KCNH5: variants seen among roughly 807,000 people sequenced by gnomAD.
KCNH5 encodes potassium voltage-gated channel subfamily H member 5, also known as voltage-gated delayed rectifier potassium channel KCNH5.
Under a neutral mutation model 96.1 loss-of-function variants are expected in KCNH5, and 46 were observed. That is an observed-to-expected ratio of 0.48 (90% CI 0.38 to 0.61). KCNH5 has a LOEUF of 0.61. KCNH5 is among the 20% of genes least tolerant of loss of function. The probability of loss-of-function intolerance (pLI) is 0.00; values close to 1 mark genes in which losing one functional copy is unlikely to be tolerated. For missense variants in KCNH5, 907 were observed against 1,225.8 expected (o/e 0.74, Z 3.88); for synonymous variants, 439 against 449.8 (o/e 0.98, Z 0.30).
At chr14:62,835,225 T>C (rs1216113458) in intron 8 of KCNH5, among the ~76,000 whole-genome samples, 1 of 151,992 alleles carries the variant, frequency 6.6e-6, no homozygotes, top group African/African-American at 2.4e-5. Flanking sequence ...TACCAACATG[T>C]GTATGTGTAA....
At chr14:62,913,403 T>C (rs1364303529) in intron 7 of KCNH5, among the ~76,000 whole-genome samples, 2 of 150,962 alleles carry the variant, frequency 1.3e-5, no homozygotes, top group East Asian at 3.9e-4. Flanking sequence ...AATTTTTGTA[T>C]TTTTAGTAGA....
At chr14:63,035,742 A>T (rs2139628898) in intron 1 of KCNH5, among the ~76,000 whole-genome samples, 1 of 152,296 alleles carries the variant, frequency 6.6e-6, no homozygotes, top group South Asian at 2.1e-4. Context: ...CAGATCCACC[A>T]GTTTCTGCTG....
chr14:62,851,448 T>G lies in KCNH5; in HGVS notation c.1370-1596A>C, dbSNP rs536509294. 6.6e-5 allele frequency among the ~76,000 whole-genome samples: 10 copies of G among 151,032 alleles called. No homozygotes were observed. In the South Asian group the frequency reaches 2.1e-3, roughly 32 times the overall value. ...TTCTGGTTATAGTATCCTGAGATCTTGATTCTATAAAGAATTATGAAGTTT... is the reference window on the plus strand; with the variant it reads ...TTCTGGTTATAGTATCCTGAGATCTGGATTCTATAAAGAATTATGAAGTTT... On this transcript the variant is annotated intron_variant, in intron 7 of 10. Transcript: ENST00000322893.
chr14:63,037,512 C>A (rs1202380091), intron 1 of KCNH5, among the ~76,000 whole-genome samples: 1 of 152,098 alleles, frequency 6.6e-6, no homozygotes, highest in Non-Finnish European at 1.5e-5. Context: ...TCTTTAACCC[C>A]CATTGAGGAA....
At chr14:62,946,882 G>C (rs1439190659) in intron 7 of KCNH5, among the ~76,000 whole-genome samples, 2 of 152,110 alleles carry the variant, frequency 1.3e-5, no homozygotes, top group Admixed American at 6.6e-5. Flanking sequence ...AAATTATAAA[G>C]ATGGAGAGCA....
intron 1 of KCNH5, among the ~76,000 whole-genome samples, chr14:63,040,096 A>G (rs760844925): frequency 7.9e-5 from 12 of 152,148 alleles, no homozygotes; most frequent in Admixed American, 2.6e-4. Flanking sequence ...GTGACTCACA[A>G]GGAAAGAAAA....
chr14:63,012,854 G>A (rs971910179), intron 2 of KCNH5, among the ~76,000 whole-genome samples: 1 of 151,464 alleles, frequency 6.6e-6, no homozygotes, highest in Admixed American at 6.6e-5. Context: ...ACCAACATAT[G>A]CAAAGCAATA....
At chr14:63,001,189 A>G in intron 4 of KCNH5, 142 bp downstream of exon 4, 1 of 660,144 alleles carries the variant, frequency 1.5e-6, no homozygotes. Flanking sequence ...ATGATTGAAT[A>G]AAACAGATTC....
chr14:62,982,088 T>C (rs1001302004), intron 5 of KCNH5, among the ~76,000 whole-genome samples: 2 of 152,042 alleles, frequency 1.3e-5, no homozygotes, highest in South Asian at 2.1e-4. Flanking sequence ...CTGGGAATTA[T>C]AAAAAACAGT....
chr14:62,966,332 G>A (rs111445011), intron 6 of KCNH5, among the ~76,000 whole-genome samples: 12 of 152,184 alleles, frequency 7.9e-5, no homozygotes. Context: ...CAAAAGGGCA[G>A]TATTAGCATC....
chr14:62,810,152 T>C (rs1886843898), intron 8 of KCNH5, among the ~76,000 whole-genome samples: 1 of 152,138 alleles, frequency 6.6e-6, no homozygotes, highest in African/African-American at 2.4e-5. Context: ...ACTAAACACT[T>C]ATCAATCTTC....
intron 8 of KCNH5, among the ~76,000 whole-genome samples, chr14:62,835,965 A>G (rs1041669144): frequency 2.0e-5 from 3 of 152,082 alleles, no homozygotes; most frequent in Non-Finnish European, 4.4e-5. Context: ...AATATCAGGA[A>G]TATTCTAGAA....
chr14:62,715,187 C>T (rs887676416), intron 10 of KCNH5, among the ~76,000 whole-genome samples: 4 of 152,098 alleles, frequency 2.6e-5, no homozygotes, highest in African/African-American at 9.6e-5. Flanking sequence ...GTGTACTGAA[C>T]TTTGAAATCC....
chr14:62,782,751 C>T (rs1886245979), intron 9 of KCNH5, among the ~76,000 whole-genome samples: 1 of 152,070 alleles, frequency 6.6e-6, no homozygotes, highest in South Asian at 2.1e-4. Context: ...GCAGAGCTTG[C>T]AGTGAGCTGA....
At chr14:62,811,462 G>T (rs1886871547) in intron 8 of KCNH5, among the ~76,000 whole-genome samples, 1 of 151,914 alleles carries the variant, frequency 6.6e-6, no homozygotes, top group Non-Finnish European at 1.5e-5. Flanking sequence ...CCTTTTTACT[G>T]GCATGTCCCA....
chr14:62,835,915 GA>G (rs1230351755), intron 8 of KCNH5, among the ~76,000 whole-genome samples: 1 of 151,930 alleles, frequency 6.6e-6, no homozygotes, highest in Admixed American at 6.6e-5. Context: ...ACATTTGTAG[GA>G]TGATTTCATT....
intron 10 of KCNH5, among the ~76,000 whole-genome samples, chr14:62,719,418 C>T (rs750494626): frequency 1.5e-4 from 23 of 152,212 alleles, no homozygotes; most frequent in Admixed American, 3.9e-4. Context: ...ACCCCAATAG[C>T]ACTTACTTTA....
intron 6 of KCNH5, among the ~76,000 whole-genome samples, chr14:62,976,601 A>G (rs1270740322): frequency 1.3e-5 from 2 of 152,172 alleles, no homozygotes; most frequent in Non-Finnish European, 2.9e-5. Context: ...ACTGATGAAA[A>G]TAGATCTGCA....
chr14:62,798,757 T>C (rs576149797), intron 9 of KCNH5, among the ~76,000 whole-genome samples: 1 of 152,366 alleles, frequency 6.6e-6, no homozygotes, highest in South Asian at 2.1e-4. Flanking sequence ...TCAGAACTTA[T>C]TCATTAAACT....
Sources: allele counts gnomAD v4.1 joint callset (sites outside exome capture counted in the v4.1 genomes callset), GRCh38; gene constraint gnomAD v4.1.1; transcripts MANE v1.5; gene names NCBI Gene and HGNC (gene_info 2026-07-23, HGNC 2026-07-21).